The following OR7C1 variants were observed in gnomAD, a reference collection of about 807,000 sequenced individuals.
The protein encoded by OR7C1 is olfactory receptor family 7 subfamily C member 1.
For missense variants in OR7C1, 324 were observed against 383.3 expected (o/e 0.85, Z 1.29); for synonymous variants, 152 against 160.7 (o/e 0.95, Z 0.41).
At chr19:14,830,567 TA>T (rs1258572698) in intron 1 of OR7C1, among the ~76,000 whole-genome samples, 4 of 152,176 alleles carry the variant, frequency 2.6e-5, no homozygotes, top group African/African-American at 7.2e-5. Flanking sequence ...GCAAAATAAA[TA>T]AAAGATCAAA....
rs780854640 is a variant in OR7C1 at position 14,827,955 on chromosome 19, G to T, written c.-623+7119C>A. On this transcript the variant is annotated intron_variant, in intron 1 of 4. Coordinates refer to ENST00000641666, the Ensembl canonical transcript of OR7C1. ...GAAAAAATACATCTGCATGAGGCAG[G>T]CTATGTAGGTGATGACTTTGTTCTG... 8.1e-6 allele frequency: 13 copies of T among 1,614,198 alleles called. No homozygotes were observed. The South Asian group carries it at 1.1e-4, about 14-fold the overall frequency.
intron 1 of OR7C1, among the ~76,000 whole-genome samples, chr19:14,832,428 TC>T (rs1184323828): frequency 8.6e-5 from 13 of 150,622 alleles, no homozygotes; most frequent in Non-Finnish European, 1.3e-4. Flanking sequence ...CTTTCTTTTT[TC>T]TTTTCTTTTT....
At position 14,801,729 on chromosome 19, in the gene OR7C1, C is replaced by A. The variant is rs879944013; in HGVS notation, c.-434-965G>T. ...CAGTTCTGTATGACTTGGGAGGCCT[C>A]AGGAAACTTACAATTATGGTGGAAG... is the stretch of plus-strand genomic sequence containing the variant. On this transcript the variant is annotated intron_variant, in intron 2 of 4. Transcript: ENST00000641666. 2.0e-5 allele frequency among the ~76,000 whole-genome samples: 3 copies of A among 152,258 alleles called. No homozygotes were observed. The South Asian group carries it at 6.2e-4, about 32-fold the overall frequency.
At chr19:14,833,016 A>G (rs2044849397) in intron 1 of OR7C1, among the ~76,000 whole-genome samples, 1 of 152,228 alleles carries the variant, frequency 6.6e-6, no homozygotes, top group African/African-American at 2.4e-5. Flanking sequence ...ATGAATCAGG[A>G]CTTTGTTCTC....
chr19:14,835,019 T>C (rs1403455167), intron 1 of OR7C1, 55 bp downstream of exon 1: 8 of 152,240 alleles, frequency 5.3e-5, no homozygotes, highest in Admixed American at 5.2e-4. Flanking sequence ...AAATATTCTC[T>C]GCATCTATTC....
chr19:14,819,293 C>G (rs747296038), intron 1 of OR7C1, among the ~76,000 whole-genome samples: 23 of 151,952 alleles, frequency 1.5e-4, no homozygotes, highest in Non-Finnish European at 3.4e-4. Flanking sequence ...CATGCATTAG[C>G]TATTTTTTTT....
chr19:14,813,428 G>A lies in OR7C1; in HGVS notation c.-622-3435C>T, dbSNP rs371304410. ...AAATTAGCCAGGCATGGTGGCGGGC[G>A]CCTGTAGTCCCAGCTACTCGGGAGG... On this transcript the variant is annotated intron_variant, in intron 1 of 4. Transcript: ENST00000641666. Among the ~76,000 whole-genome samples the A allele has an allele frequency of 3.3e-5, 5 of 151,912 alleles. No homozygotes were observed. In the East Asian group the frequency reaches 5.8e-4, roughly 18 times the overall value.
chr19:14,828,086 G>C (rs1451675171), intron 1 of OR7C1: 11 of 1,614,206 alleles, frequency 6.8e-6, no homozygotes, highest in African/African-American at 2.7e-5. Flanking sequence ...GGAGGTGGGA[G>C]TCTGAGATTG....
exon 5 of OR7C1, chr19:14,799,395 C>T: frequency 1.2e-6 from 2 of 1,614,144 alleles, no homozygotes; most frequent in Non-Finnish European, 1.7e-6. Context: ...AACAAGGTGA[C>T]CACTGAGAGG....
intron 1 of OR7C1, among the ~76,000 whole-genome samples, chr19:14,831,665 G>A (rs1277763291): frequency 1.3e-5 from 2 of 151,922 alleles, no homozygotes; most frequent in African/African-American, 4.8e-5. Flanking sequence ...GGATGGTCTC[G>A]ATCTCCTGAC....
intron 1 of OR7C1, among the ~76,000 whole-genome samples, chr19:14,833,153 CACACATCTT>C (rs1288595193): frequency 1.3e-5 from 2 of 152,154 alleles, no homozygotes; most frequent in Non-Finnish European, 2.9e-5. Flanking sequence ...TCACCTACCT[CACACATCTT>C]ACACAAAGTC....
chr19:14,799,959 A>T lies in OR7C1; in HGVS notation c.178T>A (p.Tyr60Asn), dbSNP rs766615730. Residue 60 changes from tyrosine to asparagine, a missense_variant, in exon 5 of 5, where the codon TAC (tyrosine) becomes AAC (asparagine). By Grantham distance (143) the Tyr-to-Asn change is moderately radical. Coordinates refer to ENST00000641666, the Ensembl canonical transcript of OR7C1. ...AAAGACAGGTTGGAGAGGAAGAAGT[A>T]CATGGGGGTGTGGAGGTGGGAGTCT... is the stretch of plus-strand genomic sequence containing the variant. 6.2e-7 allele frequency: 1 copy of T among 1,614,136 alleles called. No individual in the cohort carries two copies. The highest frequency in any genetic ancestry group is 2.2e-5 in the East Asian group (1 of 44,884).
At chr19:14,827,194 A>AT in intron 1 of OR7C1, 2 of 1,284,418 alleles carry the variant, frequency 1.6e-6, no homozygotes, top group Non-Finnish European at 2.1e-6. Context: ...CCAGAAATAT[A>AT]ATAAGTATTA....
intron 1 of OR7C1, among the ~76,000 whole-genome samples, chr19:14,834,050 A>G (rs2145088991): frequency 6.6e-6 from 1 of 152,312 alleles, no homozygotes; most frequent in African/African-American, 2.4e-5. Flanking sequence ...GCTTGAGCCC[A>G]GGAGTTCGAG....
rs2145087397 is a variant in OR7C1 at position 14,833,080 on chromosome 19, A to G, written c.-623+1994T>C. Among the ~76,000 whole-genome samples, 3 of 152,354 alleles carry G rather than the reference A, an allele frequency of 2.0e-5. No individual in the cohort carries two copies. In the South Asian group the frequency reaches 6.2e-4, roughly 32 times the overall value. ...AGCTTGTATTTCAATTTAGTTAGAA[A>G]GGATTGGATATTTAAATAAATGCTG... On this transcript the variant is annotated intron_variant, in intron 1 of 4. Coordinates refer to ENST00000641666, the Ensembl canonical transcript of OR7C1.
At chr19:14,803,808 C>G (rs541169596) in intron 2 of OR7C1, among the ~76,000 whole-genome samples, 26 of 151,932 alleles carry the variant, frequency 1.7e-4, no homozygotes, top group African/African-American at 6.0e-4. Context: ...CTCCTGGGTT[C>G]AAGTGATTCT....
chr19:14,803,376 TG>T (rs1329897117), intron 2 of OR7C1, among the ~76,000 whole-genome samples: 1 of 151,448 alleles, frequency 6.6e-6, no homozygotes, highest in Non-Finnish European at 1.5e-5. Context: ...CGGAGGAAGC[TG>T]GCTGCTCCAT....
At chr19:14,803,088 C>G (rs537148315) in intron 2 of OR7C1, among the ~76,000 whole-genome samples, 9 of 152,078 alleles carry the variant, frequency 5.9e-5, no homozygotes, top group South Asian at 4.2e-4. Context: ...AGGTGGATCA[C>G]CTGAGGTCAG....
intron 2 of OR7C1, among the ~76,000 whole-genome samples, chr19:14,805,864 T>C (rs2147647613): frequency 6.6e-6 from 1 of 152,088 alleles, no homozygotes; most frequent in African/African-American, 2.4e-5. Context: ...CTATTTTTAT[T>C]ATCCCATTTA....
Sources: allele counts gnomAD v4.1 joint callset (sites outside exome capture counted in the v4.1 genomes callset), GRCh38; gene constraint gnomAD v4.1.1; transcripts MANE v1.5; gene names NCBI Gene and HGNC (gene_info 2026-07-23, HGNC 2026-07-21).